SH2D4A: variants seen among roughly 807,000 people sequenced by gnomAD.
SH2D4A encodes SH2 domain-containing protein 4A.
A neutral mutation model predicts 64.7 loss-of-function variants in SH2D4A; 70 were observed. The ratio of observed to expected loss-of-function variants is 1.08; its 90% CI spans 0.89 to 1.32. The LOEUF (loss-of-function observed/expected upper bound fraction) is 1.32. Among genes scored for constraint, SH2D4A ranks in the 40% most tolerant of loss-of-function variants. The probability of loss-of-function intolerance (pLI) is 0.00; values close to 1 mark genes in which losing one functional copy is unlikely to be tolerated. For missense variants in SH2D4A, 706 were observed against 540.1 expected (o/e 1.31, Z -3.04); for synonymous variants, 268 against 200.7 (o/e 1.34, Z -2.83).
In SH2D4A at chr8:19,339,373, G is replaced by T. The variant is rs571785481; in HGVS notation, c.513+4516G>T. 7.9e-5 allele frequency among the ~76,000 whole-genome samples: 12 copies of T among 151,958 alleles called. No homozygotes were observed. The South Asian group carries it at 2.5e-3, about 32-fold the overall frequency. The stretch of plus-strand genomic sequence containing the variant: ...TAGGAACAATATTTTGCATCCTTCA[G>T]TCCATCAAGTTGACACTCAATATTA... On this transcript the variant is annotated intron_variant, in intron 4 of 9. Coordinates refer to ENST00000265807, the MANE Select transcript of SH2D4A (RefSeq NM_022071.4).
chr8:19,335,079 C>G (rs948455242), intron 4 of SH2D4A, among the ~76,000 whole-genome samples: 2 of 151,874 alleles, frequency 1.3e-5, no homozygotes, highest in Non-Finnish European at 2.9e-5. Context: ...GTCAGGAGAT[C>G]GAGACCATCC....
At chr8:19,386,982 C>G (rs2053404011) in intron 8 of SH2D4A, among the ~76,000 whole-genome samples, 1 of 149,232 alleles carries the variant, frequency 6.7e-6, no homozygotes, top group Non-Finnish European at 1.5e-5. Flanking sequence ...TGGGGTCTTG[C>G]CAAGCTGGAA....
intron 4 of SH2D4A, among the ~76,000 whole-genome samples, chr8:19,346,413 T>C (rs2052613920): frequency 6.6e-6 from 1 of 152,216 alleles, no homozygotes; most frequent in Non-Finnish European, 1.5e-5. Flanking sequence ...GGTTGCATGC[T>C]CCTCATGAGA....
intron 1 of SH2D4A, among the ~76,000 whole-genome samples, chr8:19,316,878 G>C (rs1315085601): frequency 2.0e-5 from 3 of 152,200 alleles, no homozygotes; most frequent in East Asian, 3.8e-4. Context: ...TGGACTCCAA[G>C]GGTTATTGTG....
intron 7 of SH2D4A, among the ~76,000 whole-genome samples, chr8:19,368,352 C>A (rs764342866): frequency 8.5e-5 from 13 of 152,094 alleles, no homozygotes; most frequent in Non-Finnish European, 1.5e-4. Context: ...GTAGTCTTTT[C>A]TGGTTGCATA....
intron 8 of SH2D4A, among the ~76,000 whole-genome samples, chr8:19,378,434 T>C (rs1409402902): frequency 2.0e-5 from 3 of 152,114 alleles, no homozygotes; most frequent in African/African-American, 7.2e-5. Flanking sequence ...CAGTTCTTTG[T>C]TGTTTTGGTT....
intron 8 of SH2D4A, among the ~76,000 whole-genome samples, chr8:19,381,586 G>A (rs909783480): frequency 4.6e-5 from 7 of 152,106 alleles, no homozygotes; most frequent in South Asian, 2.1e-4. Flanking sequence ...CTACATAGAC[G>A]ATTGTATCAT....
chr8:19,316,452 C>CT (rs555821625), intron 1 of SH2D4A, among the ~76,000 whole-genome samples: 249 of 152,226 alleles, frequency 1.6e-3, no homozygotes, highest in African/African-American at 5.8e-3. Context: ...AAGTGGATGA[C>CT]TAAGTGCAAG....
intron 1 of SH2D4A, among the ~76,000 whole-genome samples, chr8:19,315,376 T>C (rs557477304): frequency 2.2e-4 from 33 of 152,328 alleles, no homozygotes; most frequent in African/African-American, 7.7e-4. Flanking sequence ...GCTCCAGCAA[T>C]CCACCCATGT....
chr8:19,326,248 TGACAGATAGGGCATG>T (rs2052277669), intron 2 of SH2D4A, among the ~76,000 whole-genome samples: 1 of 152,178 alleles, frequency 6.6e-6, no homozygotes, highest in South Asian at 2.1e-4. Flanking sequence ...TGATATTTAG[TGACAGATAGGGCATG>T]GGCATCAACC....
At chr8:19,387,058 C>G (rs1348183442) in intron 8 of SH2D4A, among the ~76,000 whole-genome samples, 26 of 83,746 alleles carry the variant, frequency 3.1e-4, no homozygotes, top group African/African-American at 1.2e-3. Context: ...TGGGGTCTTG[C>G]CAAGCTGGAA....
intron 8 of SH2D4A, among the ~76,000 whole-genome samples, chr8:19,382,658 T>TA (rs1272320215): frequency 5.3e-5 from 8 of 151,994 alleles, no homozygotes; most frequent in Admixed American, 2.0e-4. Flanking sequence ...TTATGCTGGG[T>TA]TTATCAGGAT....
At chr8:19,387,931 T>TC (rs1254076655) in intron 8 of SH2D4A, among the ~76,000 whole-genome samples, 1 of 152,240 alleles carries the variant, frequency 6.6e-6, no homozygotes. Context: ...ATAACGCTAA[T>TC]AGTTCTGATC....
intron 8 of SH2D4A, among the ~76,000 whole-genome samples, chr8:19,379,279 C>G (rs768616363): frequency 1.3e-5 from 2 of 152,176 alleles, no homozygotes; most frequent in Non-Finnish European, 2.9e-5. Context: ...ATTTGTCTTT[C>G]TGTGAGTGGC....
At chr8:19,325,559 A>T (rs1405026132) in intron 2 of SH2D4A, among the ~76,000 whole-genome samples, 2 of 152,152 alleles carry the variant, frequency 1.3e-5, no homozygotes, top group Non-Finnish European at 2.9e-5. Flanking sequence ...CGTGGCGAAC[A>T]TCTTTTTTGG....
chr8:19,364,267 C>T lies in SH2D4A; in HGVS notation c.902C>T (p.Pro301Leu). 2 of 1,614,130 alleles carry T rather than the reference C, an allele frequency of 1.2e-6. No individual in the cohort carries two copies. Among genetic ancestry groups the T allele is most frequent in the Admixed American group, 1.7e-5 (1 of 60,014 alleles). ...KPQFLNSGAY[P>L]QKPLRNQGVV... ...CAGTTCCTAAACTCAGGGGCATATC[C>T]TCAAAAACCTCTTAGGTAAGAAGCC... The change falls in exon 7 of 10, where the codon CCT becomes CTT. Residue 301 changes from proline to leucine, a missense_variant. Transcript: ENST00000265807.
intron 2 of SH2D4A, among the ~76,000 whole-genome samples, chr8:19,332,376 C>T (rs1056189960): frequency 7.2e-5 from 11 of 152,298 alleles, no homozygotes; most frequent in Admixed American, 6.5e-4. Context: ...TGACTCACAC[C>T]TGTAATCCCA....
intron 2 of SH2D4A, among the ~76,000 whole-genome samples, chr8:19,328,572 G>C (rs1204138545): frequency 6.6e-6 from 1 of 151,940 alleles, no homozygotes; most frequent in Non-Finnish European, 1.5e-5. Context: ...CTGGTCTTTT[G>C]ACCCCTAGTC....
intron 5 of SH2D4A, among the ~76,000 whole-genome samples, chr8:19,358,395 T>G (rs2052827502): frequency 1.3e-5 from 2 of 152,098 alleles, no homozygotes; most frequent in African/African-American, 4.8e-5. Context: ...TATTAAGCAC[T>G]GCAGAGGAAA....
Sources: allele counts gnomAD v4.1 joint callset (sites outside exome capture counted in the v4.1 genomes callset), GRCh38; gene constraint gnomAD v4.1.1; transcripts MANE v1.5; gene names NCBI Gene and HGNC (gene_info 2026-07-23, HGNC 2026-07-21).